FAM83B: variants seen among roughly 807,000 people sequenced by gnomAD.
FAM83B encodes the protein scaffolding CK1 anchoring protein B, also known as protein FAM83B.
A neutral mutation model predicts 38.8 loss-of-function variants in FAM83B; 26 were observed. That is an observed-to-expected ratio of 0.67 (90% confidence interval 0.49 to 0.93). The LOEUF (loss-of-function observed/expected upper bound fraction) is 0.93, where lower values mean the gene tolerates loss of function less well. Ranked by LOEUF, FAM83B falls within the 40% of genes least tolerant of loss-of-function variation. FAM83B has a pLI of 0.00. For synonymous variants in FAM83B, 419 were observed against 423.1 expected, an observed-to-expected ratio of 0.99 and a Z score of 0.12; for missense variants, 1,237 against 1,197.3, an observed-to-expected ratio of 1.03 and a Z score of -0.49.
chr6:54,906,176 G>A (rs1343207253), intron 2 of FAM83B, among the ~76,000 whole-genome samples: 1 of 151,840 alleles, frequency 6.6e-6, no homozygotes, highest in Non-Finnish European at 1.5e-5. Context: ...CATTTTCAAA[G>A]GACCACAAGA....
At chr6:54,911,078 TC>T (rs1251907641) in intron 2 of FAM83B, among the ~76,000 whole-genome samples, 1 of 151,982 alleles carries the variant, frequency 6.6e-6, no homozygotes, top group African/African-American at 2.4e-5. Flanking sequence ...CTGTTTTCTA[TC>T]ATTTTTCTCC....
At chr6:54,874,840 A>G (rs532973826) in intron 2 of FAM83B, among the ~76,000 whole-genome samples, 9 of 152,162 alleles carry the variant, frequency 5.9e-5, no homozygotes, top group Non-Finnish European at 1.2e-4. Flanking sequence ...GATGCGCTCT[A>G]TACCACATTA....
chr6:54,910,178 G>C (rs1000605942), intron 2 of FAM83B, among the ~76,000 whole-genome samples: 2 of 152,084 alleles, frequency 1.3e-5, no homozygotes, highest in African/African-American at 2.4e-5. Flanking sequence ...TAGATGGCTG[G>C]AACTCAGCGA....
chr6:54,885,873 C>G (rs1023472918), intron 2 of FAM83B, among the ~76,000 whole-genome samples: 8 of 151,532 alleles, frequency 5.3e-5, no homozygotes, highest in Admixed American at 5.3e-4. Flanking sequence ...TGCTAAATGA[C>G]GAGTTAATGG....
At chr6:54,934,877 T>C (rs1289252918) in intron 4 of FAM83B, among the ~76,000 whole-genome samples, 1 of 152,156 alleles carries the variant, frequency 6.6e-6, no homozygotes, top group Non-Finnish European at 1.5e-5. Flanking sequence ...TTCATAAAGA[T>C]TCTGCTGGGC....
intron 4 of FAM83B, among the ~76,000 whole-genome samples, chr6:54,931,207 C>T (rs934670790): frequency 6.6e-6 from 1 of 152,048 alleles, no homozygotes; most frequent in African/African-American, 2.4e-5. Context: ...TTTGTTTTGC[C>T]TAACGTGATC....
In FAM83B at chr6:54,939,941, G is replaced by C; in HGVS notation, c.970G>C (p.Gly324Arg). 6.2e-7 allele frequency: 1 copy of C among 1,613,882 alleles called. No homozygotes were observed. Among genetic ancestry groups the C allele is most frequent in the African/African-American group, 1.3e-5 (1 of 74,960 alleles). Residue 324 changes from glycine to arginine, a missense_variant, in exon 5 of 5, where the codon GGT becomes CGT. Transcript: ENST00000306858. The part of the protein sequence containing the change: ...ASVSSQRNLF[G>R]RQDKIHKLDS... ...TGTTTCCAGCCAGAGAAACCTTTTT[G>C]GTAGACAAGACAAGATTCATAAACT... is the stretch of plus-strand genomic sequence containing the variant.
rs572219208 is a variant in FAM83B at position 54,884,028 on chromosome 6, G to T, written c.444+13338G>T. ...CTACTAAAAATGCAAAGAAGACCAG[G>T]CATGGTGACTCACGCCTTTAATCCC... On this transcript the variant is annotated intron_variant, in intron 2 of 4. Transcript: ENST00000306858. 2.0e-5 allele frequency among the ~76,000 whole-genome samples: 3 copies of T among 152,160 alleles called. No individual in the cohort carries two copies. The South Asian group carries it at 6.2e-4, about 32-fold the overall frequency.
At chr6:54,861,318 G>A (rs1771576414) in intron 1 of FAM83B, among the ~76,000 whole-genome samples, 2 of 152,242 alleles carry the variant, frequency 1.3e-5, no homozygotes, top group South Asian at 4.1e-4. Flanking sequence ...ACTTTGGGAA[G>A]CCAAGATGAA....
rs1252583889 is a variant in FAM83B, at chr6:54,870,210, G to C, written c.-37G>C. 1 of 1,514,428 alleles carries C rather than the reference G, an allele frequency of 6.6e-7. No homozygotes were observed. Among genetic ancestry groups the C allele is most frequent in the South Asian group, 1.1e-5 (1 of 87,346 alleles). The allele number at this position is 1,514,428 out of a possible 1,614,324, so 93.8% of individuals were successfully genotyped here. A position where few individuals can be genotyped will look rare whatever the true frequency, so the allele number is the denominator to read the frequency against. ...AGATACTTCTCACCACTGCATGAAT[G>C]GACATTTGAAAGTGCCATAGCCAAA... is the stretch of plus-strand genomic sequence containing the variant. On this transcript the variant is annotated 5_prime_UTR_variant, in exon 2 of 5. It removes an upstream start codon present in the reference 5' UTR. Coordinates refer to ENST00000306858, the MANE Select transcript of FAM83B (RefSeq NM_001010872.3).
Position 54,943,803 on chromosome 6 carries a change from A to G in FAM83B, c.*1796A>G, listed in dbSNP as rs1213752300. 1 of 152,198 alleles carries G rather than the reference A, an allele frequency of 6.6e-6. No homozygotes were observed. Among genetic ancestry groups the G allele is most frequent in the Admixed American group, 6.5e-5 (1 of 15,280 alleles). 9.4% of individuals were successfully genotyped at this position (152,198 alleles called of 1,614,324 possible). A position where few individuals can be genotyped will look rare whatever the true frequency, so the allele number is the denominator to read the frequency against. On this transcript the variant is annotated 3_prime_UTR_variant, in exon 5 of 5. Coordinates refer to ENST00000306858, the MANE Select transcript of FAM83B (RefSeq NM_001010872.3). ...AATGGAAAGCCCTGAAATTTAGTGC[A>G]ATGTAACTTTAAAACTGAAATTATA...
intron 1 of FAM83B, among the ~76,000 whole-genome samples, chr6:54,859,308 C>T (rs1461972724): frequency 6.6e-6 from 1 of 152,212 alleles, no homozygotes; most frequent in Admixed American, 6.5e-5. Flanking sequence ...GATCTGCACA[C>T]CTTGGCCTCC....
Position 54,940,577 on chromosome 6 carries a change from A to G in FAM83B, c.1606A>G (p.Thr536Ala). ...PENLKANALY[T>A]HSRLRSSLVF... is the part of the protein sequence containing the mutation. ...GAATTTGAAGGCCAATGCCCTTTAT[A>G]CTCATTCTCGGCTTCGTTCCTCTTT... is the stretch of plus-strand genomic sequence containing the variant. The change falls in exon 5 of 5, where the codon ACT becomes GCT. Residue 536 changes from threonine to alanine, a missense_variant. Transcript: ENST00000306858. The G allele has an allele frequency of 1.2e-6, 2 of 1,613,962 alleles. No individual in the cohort carries two copies. Among genetic ancestry groups the G allele is most frequent in the Middle Eastern group, 1.7e-4 (1 of 6,060 alleles).
intron 2 of FAM83B, among the ~76,000 whole-genome samples, chr6:54,897,132 G>C (rs1772556634): frequency 6.6e-6 from 1 of 151,420 alleles, no homozygotes; most frequent in Admixed American, 6.6e-5. Flanking sequence ...TCCTCTCTCT[G>C]AGACCCTTTA....
chr6:54,890,794 A>G (rs1772383984), intron 2 of FAM83B, among the ~76,000 whole-genome samples: 1 of 152,076 alleles, frequency 6.6e-6, no homozygotes, highest in African/African-American at 2.4e-5. Context: ...TATCATGTGC[A>G]TTAATGTTTT....
At chr6:54,865,886 T>A (rs1259274435) in intron 1 of FAM83B, among the ~76,000 whole-genome samples, 1 of 151,976 alleles carries the variant, frequency 6.6e-6, no homozygotes, top group African/African-American at 2.4e-5. Flanking sequence ...ACATCTCTTT[T>A]CAAATCTTAA....
At chr6:54,895,249 A>G (rs1172531761) in intron 2 of FAM83B, among the ~76,000 whole-genome samples, 1 of 152,260 alleles carries the variant, frequency 6.6e-6, no homozygotes, top group Non-Finnish European at 1.5e-5. Flanking sequence ...ACTATTGAGT[A>G]TGAAGAGAAC....
chr6:54,924,461 T>A (rs1449469042), intron 2 of FAM83B, among the ~76,000 whole-genome samples: 1 of 151,218 alleles, frequency 6.6e-6, no homozygotes, highest in East Asian at 1.9e-4. Context: ...GATTCTCTCT[T>A]AAATGCCTTC....
At chr6:54,923,899 A>G (rs572816344) in intron 2 of FAM83B, among the ~76,000 whole-genome samples, 45 of 149,002 alleles carry the variant, frequency 3.0e-4, no homozygotes, top group African/African-American at 1.1e-3. Flanking sequence ...ACTAGACTCT[A>G]TACCTTATTG....
Sources: allele counts gnomAD v4.1 joint callset (sites outside exome capture counted in the v4.1 genomes callset), GRCh38; gene constraint gnomAD v4.1.1; transcripts MANE v1.5; gene names NCBI Gene and HGNC (gene_info 2026-07-23, HGNC 2026-07-21).